BFSP1: variants seen among roughly 807,000 people sequenced by gnomAD.
BFSP1 encodes beaded filament structural protein 1.
BFSP1 carries 38 observed loss-of-function variants against 43.9 expected under a neutral mutation model. The ratio of observed to expected loss-of-function variants is 0.87; its 90% CI spans 0.67 to 1.14. The LOEUF is 1.14. Ranked by LOEUF, BFSP1 falls within the 50% of genes most tolerant of loss-of-function variation. The pLI, the probability that BFSP1 is intolerant of heterozygous loss-of-function variation, is 0.00. For synonymous variants in BFSP1, 352 were observed against 354.8 expected (o/e 0.99, Z 0.09); for missense variants, 850 against 875.1 (o/e 0.97, Z 0.36).
chr20:17,550,462 CTT>C lies in BFSP1; in HGVS notation c.2+8224_2+8225del, dbSNP rs66786068. 1.0e-2 allele frequency among the ~76,000 whole-genome samples: 1,316 copies of C among 131,882 alleles called. 12 individuals carry two copies. Among genetic ancestry groups the C allele is most frequent in the African/African-American group, 0.029 (959 of 33,642 alleles). The allele number at this position is 131,882 out of a possible 152,430, so 86.5% of individuals were successfully genotyped here. On this transcript the variant is annotated intron_variant, in intron 1 of 7. Coordinates refer to the BFSP1 transcript ENST00000377868. ...AGTACATCAAAGCATGACTATAATC[CTT>C]TTTTTTTTTTTTTTTTTGAGACGGA... is the stretch of plus-strand genomic sequence containing the variant.
At chr20:17,564,993 G>A (rs2035103755) in intron 1 of BFSP1, among the ~76,000 whole-genome samples, 1 of 149,212 alleles carries the variant, frequency 6.7e-6, no homozygotes, top group Non-Finnish European at 1.5e-5. Context: ...GTGCAGTGGT[G>A]TGATCTTGGC....
At position 17,522,119 on chromosome 20, in the gene BFSP1, C is replaced by G. The variant is rs145215187; in HGVS notation, c.438+2729G>C. On this transcript the variant is annotated intron_variant, in intron 2 of 7. Coordinates refer to ENST00000377873, the MANE Select transcript of BFSP1 (RefSeq NM_001195.5). ...CCAACATCAAGGTCCATGGGGCCAC[C>G]TATAGCCGAGAACTCTCTGGCTTCG... Among the ~76,000 whole-genome samples the G allele has an allele frequency of 3.3e-5, 5 of 152,296 alleles. No homozygotes were observed. The East Asian group carries it at 9.6e-4, about 29-fold the overall frequency.
At chr20:17,509,257 C>CCCA (rs2034019342) in intron 4 of BFSP1, among the ~76,000 whole-genome samples, 1 of 150,634 alleles carries the variant, frequency 6.6e-6, no homozygotes, top group African/African-American at 2.5e-5. Flanking sequence ...CACCCCCACC[C>CCCA]CCTGTCTGTC....
chr20:17,566,355 C>A (rs1181248624), intron 1 of BFSP1, among the ~76,000 whole-genome samples: 1 of 152,098 alleles, frequency 6.6e-6, no homozygotes, highest in Non-Finnish European at 1.5e-5. Flanking sequence ...GTTTTAAATT[C>A]AAGTGCCTAT....
At chr20:17,544,957 T>C (rs904652831) in intron 1 of BFSP1, among the ~76,000 whole-genome samples, 1 of 152,214 alleles carries the variant, frequency 6.6e-6, no homozygotes, top group East Asian at 1.9e-4. Context: ...ACCTACAAAC[T>C]GCATTCCCAA....
chr20:17,548,945 C>G (rs1005281884), intron 1 of BFSP1, among the ~76,000 whole-genome samples: 1 of 152,068 alleles, frequency 6.6e-6, no homozygotes, highest in Non-Finnish European at 1.5e-5. Flanking sequence ...ATAGCTGGGA[C>G]TACAAGCACA....
Position 17,507,249 on chromosome 20 carries a change from G to T in BFSP1, c.735+1640C>A, listed in dbSNP as rs917808584. On this transcript the variant is annotated intron_variant, in intron 5 of 7. Transcript: ENST00000377873. The surrounding 1 kb of genome is among the most constrained non-coding windows in gnomAD (Gnocchi z 4.4). ...CAGGAAAAACCACATTTCTCATTGCGAGCCATACACATCAGATAGGTAGGT... is the reference window on the plus strand; with the variant it reads ...CAGGAAAAACCACATTTCTCATTGCTAGCCATACACATCAGATAGGTAGGT... 1 of 151,326 alleles carries T rather than the reference G, an allele frequency of 6.6e-6. No homozygotes were observed. Among genetic ancestry groups the T allele is most frequent in the Non-Finnish European group, 1.5e-5 (1 of 68,120 alleles). 9.4% of individuals were successfully genotyped at this position (151,326 alleles called of 1,614,324 possible). A position where few individuals can be genotyped will look rare whatever the true frequency, so the allele number is the denominator to read the frequency against.
At chr20:17,515,628 A>G (rs2034181070) in intron 2 of BFSP1, among the ~76,000 whole-genome samples, 1 of 152,212 alleles carries the variant, frequency 6.6e-6, no homozygotes, top group Non-Finnish European at 1.5e-5. Flanking sequence ...TGAAAGAATT[A>G]TTCATGCTCT....
intron 1 of BFSP1, among the ~76,000 whole-genome samples, chr20:17,540,299 A>G (rs2034695376): frequency 6.6e-6 from 1 of 152,024 alleles, no homozygotes; most frequent in Non-Finnish European, 1.5e-5. Flanking sequence ...TTTGAAATTT[A>G]TGTCATCAGG....
rs1358078160 is a variant in BFSP1, at chr20:17,526,782, T to C, written c.378-1874A>G. Among the ~76,000 whole-genome samples the C allele has an allele frequency of 2.6e-5, 4 of 152,248 alleles. 1 individual carries two copies. Among genetic ancestry groups the C allele is most frequent in the Admixed American group, 1.3e-4 (2 of 15,290 alleles). ...ATGGCTGTACCATTTTACAGTCCCA[T>C]CAACAGTCCATAATTTCTCCACATC... On this transcript the variant is annotated intron_variant, in intron 1 of 7. Transcript: ENST00000377873.
At chr20:17,524,744 A>T in intron 2 of BFSP1, 104 bp downstream of exon 2, 2 of 1,267,670 alleles carry the variant, frequency 1.6e-6, no homozygotes, top group Non-Finnish European at 2.3e-6. Context: ...AGAAGTAGTG[A>T]CCGCCAAAGT....
chr20:17,534,945 G>A (rs535880717), upstream of BFSP1, among the ~76,000 whole-genome samples: 6 of 152,078 alleles, frequency 3.9e-5, no homozygotes, highest in Admixed American at 1.3e-4. Context: ...CCTTGAATCC[G>A]GAGGGGTAGA....
At chr20:17,552,107 G>A (rs754414126) in intron 1 of BFSP1, among the ~76,000 whole-genome samples, 3 of 152,162 alleles carry the variant, frequency 2.0e-5, no homozygotes, top group Non-Finnish European at 4.4e-5. Flanking sequence ...ATAATAAGTG[G>A]TGATAAGTGT....
Position 17,507,780 on chromosome 20 carries a change from G to T in BFSP1, c.735+1109C>A, listed in dbSNP as rs56884737. Among the ~76,000 whole-genome samples the T allele has an allele frequency of 5.6e-4, 85 of 152,280 alleles. 1 individual carries two copies. The highest frequency in any genetic ancestry group is 2.0e-3 in the African/African-American group (81 of 41,538). ...GCCAGGGTTTGTCTCACAAGAAGGA[G>T]GAGTTTTAAGTGCCTTACTTGGTTC... On this transcript the variant is annotated intron_variant, in intron 5 of 7. Coordinates refer to ENST00000377873, the MANE Select transcript of BFSP1 (RefSeq NM_001195.5). This position sits in a 1 kb window ranked among gnomAD's most constrained non-coding sequence, Gnocchi z 4.4.
intron 6 of BFSP1, among the ~76,000 whole-genome samples, chr20:17,497,507 T>C (rs1199704320): frequency 1.4e-5 from 2 of 141,766 alleles, no homozygotes; most frequent in Non-Finnish European, 3.1e-5. Context: ...TACACGTATA[T>C]ATACGTATAT....
chr20:17,546,939 G>C (rs1222305608), intron 1 of BFSP1, among the ~76,000 whole-genome samples: 2 of 149,468 alleles, frequency 1.3e-5, no homozygotes, highest in African/African-American at 4.9e-5. Context: ...CAGGAGAATT[G>C]CTTGAACCTG....
intron 1 of BFSP1, among the ~76,000 whole-genome samples, chr20:17,554,790 G>T (rs573963325): frequency 4.6e-5 from 7 of 152,066 alleles, no homozygotes; most frequent in East Asian, 1.9e-4. Flanking sequence ...CAAAGAAATA[G>T]AACTCTCATT....
At chr20:17,547,026 CAAAA>C (rs11324389) in intron 1 of BFSP1, among the ~76,000 whole-genome samples, 6 of 77,588 alleles carry the variant, frequency 7.7e-5, no homozygotes, top group African/African-American at 2.1e-4. Flanking sequence ...GACTCCATCT[CAAAA>C]AAAAAAAAAA....
intron 1 of BFSP1, among the ~76,000 whole-genome samples, chr20:17,552,228 C>T (rs1218627508): frequency 5.3e-5 from 8 of 152,064 alleles, no homozygotes; most frequent in South Asian, 4.1e-4. Context: ...GAGTAGAGAA[C>T]GGAAGGAAGT....
Sources: gnomAD v4.1 joint callset for allele counts (sites outside exome capture counted in the v4.1 genomes callset) on GRCh38, gnomAD v4.1.1 for gene constraint, Gnocchi (gnomAD v3.1) non-coding constraint, MANE v1.5 for transcripts, NCBI Gene and HGNC (gene_info 2026-07-23, HGNC 2026-07-21) for gene names.